Variants in GLS observed in about 807,000 individuals in gnomAD.
The protein encoded by GLS is glutaminase kidney isoform, mitochondrial.
GLS carries 36 observed loss-of-function variants against 86.7 expected under a neutral mutation model. The ratio of observed to expected loss-of-function variants is 0.42; its 90% CI spans 0.32 to 0.55. GLS has a LOEUF of 0.55. Ranked by LOEUF, GLS falls within the 20% of genes least tolerant of loss-of-function variation. The probability of loss-of-function intolerance (pLI) is 0.17; values close to 1 mark genes in which losing one functional copy is unlikely to be tolerated. For missense variants in GLS, 528 were observed against 833.4 expected (o/e 0.63, Z 4.51); for synonymous variants, 317 against 305.9 (o/e 1.04, Z -0.38).
intron 9 of GLS, among the ~76,000 whole-genome samples, chr2:190,923,623 A>T (rs965826668): frequency 2.0e-5 from 3 of 152,232 alleles, no homozygotes; most frequent in African/African-American, 4.8e-5. Context: ...TTAATGGTAG[A>T]AGATTTGAGA....
intron 14 of GLS, among the ~76,000 whole-genome samples, chr2:190,939,891 A>G (rs573938730): frequency 1.3e-5 from 2 of 151,880 alleles, no homozygotes; most frequent in South Asian, 4.1e-4. Flanking sequence ...AACTCAGAAT[A>G]TATTATCTAA....
chr2:190,948,644 G>T (rs1431542840), intron 14 of GLS, among the ~76,000 whole-genome samples: 2 of 152,150 alleles, frequency 1.3e-5, no homozygotes, highest in Non-Finnish European at 2.9e-5. Context: ...TATATTAATG[G>T]TATATACAGG....
chr2:190,934,957 C>T (rs960830714), intron 14 of GLS: 7 of 969,582 alleles, frequency 7.2e-6, no homozygotes, highest in Non-Finnish European at 8.6e-6. Flanking sequence ...TTTCAGTATT[C>T]TTAACACCTT....
At chr2:190,901,135 A>G (rs1326059775) in intron 4 of GLS, among the ~76,000 whole-genome samples, 1 of 152,090 alleles carries the variant, frequency 6.6e-6, no homozygotes, top group Admixed American at 6.6e-5. Context: ...CCCTTGAACA[A>G]AGCAGGGGTT....
Position 190,881,196 on chromosome 2 carries a change from CCCCGAGGCGGGGGACGGCCGGCCGCGGG to C in GLS, c.117_144del (p.Gly40LeufsTer83). 2 of 1,297,790 alleles carry C rather than the reference CCCCGAGGCGGGGGACGGCCGGCCGCGGG, an allele frequency of 1.5e-6. No individual in the cohort carries two copies. Among genetic ancestry groups the C allele is most frequent in the Non-Finnish European group, 1.9e-6 (2 of 1,026,614 alleles). 80.4% of individuals were successfully genotyped at this position (1,297,790 alleles called of 1,614,324 possible). ...GCCCTTGGTCACCCTGTGCCGGCGT[CCCCGAGGCGGGGGACGGCCGGCCGCGGG>C]CCCGGCTGCCGCCGCGCGACTCCAC... On this transcript the variant is annotated frameshift_variant, in exon 1 of 18. Transcript: ENST00000320717. LOFTEE classifies it high-confidence loss of function.
intron 7 of GLS, among the ~76,000 whole-genome samples, chr2:190,916,705 C>T (rs940346793): frequency 1.6e-4 from 24 of 152,002 alleles, no homozygotes; most frequent in Non-Finnish European, 8.8e-5. Context: ...TGCAATTATT[C>T]AATACAGGCA....
chr2:190,895,311 T>A lies in GLS; in HGVS notation c.483+63T>A, dbSNP rs1311821934. The A allele has an allele frequency of 3.0e-6, 2 of 673,924 alleles. No individual in the cohort carries two copies. The highest frequency in any genetic ancestry group is 3.6e-5 in the African/African-American group (2 of 55,226). The allele number at this position is 673,924 out of a possible 1,614,324, so 41.7% of individuals were successfully genotyped here. A position where few individuals can be genotyped will look rare whatever the true frequency, so the allele number is the denominator to read the frequency against. On this transcript the variant is annotated intron_variant, in intron 2 of 17. Coordinates refer to ENST00000320717, the MANE Select transcript of GLS (RefSeq NM_014905.5). This position sits in a 1 kb window ranked among gnomAD's most constrained non-coding sequence, Gnocchi z 4.2. Reference sequence around the variant, plus strand: ...TCAATAATAATAAATATATACAGTATTATTGAAATATAGTCTTAAAGGTCG... The same window carrying A: ...TCAATAATAATAAATATATACAGTAATATTGAAATATAGTCTTAAAGGTCG...
At chr2:190,904,414 A>C (rs1007178035) in intron 5 of GLS, among the ~76,000 whole-genome samples, 1 of 152,152 alleles carries the variant, frequency 6.6e-6, no homozygotes. Context: ...TCCACATTAC[A>C]TATTTATTAT....
chr2:190,945,938 ATT>A (rs1170212761), intron 14 of GLS, among the ~76,000 whole-genome samples: 3 of 152,084 alleles, frequency 2.0e-5, no homozygotes, highest in Non-Finnish European at 4.4e-5. Context: ...CCTATAAAAG[ATT>A]TTTTCCCCAA....
intron 14 of GLS, among the ~76,000 whole-genome samples, chr2:190,948,557 T>A (rs932170): frequency 0.12 from 17,547 of 152,216 alleles, 1,385 homozygotes; most frequent in Admixed American, 0.27. Flanking sequence ...AGTTCTTATA[T>A]CCAGTCACTG....
chr2:190,940,400 AC>A (rs1690391462), intron 14 of GLS, among the ~76,000 whole-genome samples: 1 of 152,040 alleles, frequency 6.6e-6, no homozygotes, highest in Non-Finnish European at 1.5e-5. Context: ...TTTTAATCAT[AC>A]CAATAAAATA....
At position 190,963,299 on chromosome 2, in the gene GLS, T is replaced by C. The variant is rs1691045838; in HGVS notation, c.*313T>C. The C allele has an allele frequency of 9.2e-6, 2 of 218,370 alleles. No homozygotes were observed. Among genetic ancestry groups the C allele is most frequent in the Non-Finnish European group, 1.8e-5 (2 of 108,992 alleles). The allele number at this position is 218,370 out of a possible 1,614,324, so 13.5% of individuals were successfully genotyped here. A position where few individuals can be genotyped will look rare whatever the true frequency, so the allele number is the denominator to read the frequency against. On this transcript the variant is annotated 3_prime_UTR_variant, in exon 18 of 18. Coordinates refer to ENST00000320717, the MANE Select transcript of GLS (RefSeq NM_014905.5). ...TTGTGTTTTGTGAATTTTCAATTTA[T>C]GGTGATGATCTGCTGATATGCATTT... is the stretch of plus-strand genomic sequence containing the variant.
intron 14 of GLS, among the ~76,000 whole-genome samples, chr2:190,937,487 A>G (rs1259554219): frequency 2.6e-5 from 4 of 151,398 alleles, no homozygotes; most frequent in Non-Finnish European, 5.9e-5. Flanking sequence ...TTTAAATAGT[A>G]ATAGAAAAGG....
At chr2:190,915,157 ATT>A (rs79204505) in intron 7 of GLS, among the ~76,000 whole-genome samples, 14 of 138,922 alleles carry the variant, frequency 1.0e-4, no homozygotes, top group Non-Finnish European at 1.3e-4. Context: ...TGCCTGGCTA[ATT>A]TTTTTTTTTT....
intron 6 of GLS, among the ~76,000 whole-genome samples, chr2:190,906,968 C>T (rs1160518034): frequency 1.4e-5 from 2 of 145,412 alleles, no homozygotes; most frequent in African/African-American, 2.5e-5. Flanking sequence ...CTGGCTCTGT[C>T]CCCCAGGCTG....
intron 1 of GLS, among the ~76,000 whole-genome samples, chr2:190,885,260 C>T (rs1157398789): frequency 6.6e-6 from 1 of 151,394 alleles, no homozygotes; most frequent in Non-Finnish European, 1.5e-5. Context: ...GGTGTGATCT[C>T]GGTTCACTGC....
In GLS at chr2:190,954,981, C is replaced by T. The variant is rs546100723; in HGVS notation, c.1853+163C>T. On this transcript the variant is annotated intron_variant, in intron 17 of 17. Transcript: ENST00000320717. The surrounding 1 kb of genome is among the most constrained non-coding windows in gnomAD (Gnocchi z 4.0). ...TTCTACTAGATAGGTAATTCTGTCT[C>T]CCATATCCTGTTTCTTATCTAAGAA... Among the ~76,000 whole-genome samples, 1 of 152,194 alleles carries T rather than the reference C, an allele frequency of 6.6e-6. No individual in the cohort carries two copies. Among genetic ancestry groups the T allele is most frequent in the East Asian group, 1.9e-4 (1 of 5,182 alleles).
At chr2:190,960,928 C>T (rs927024692) in intron 17 of GLS, among the ~76,000 whole-genome samples, 4 of 152,180 alleles carry the variant, frequency 2.6e-5, no homozygotes, top group African/African-American at 9.7e-5. Context: ...ATACCCACCC[C>T]AGGTTTCTAA....
rs1241355604 is a variant in GLS, at chr2:190,894,683, T to TA, written c.387-468dup. 5.9e-5 allele frequency among the ~76,000 whole-genome samples: 9 copies of TA among 152,230 alleles called. No individual in the cohort carries two copies. In the East Asian group the frequency reaches 1.7e-3, roughly 29 times the overall value. On this transcript the variant is annotated intron_variant, in intron 1 of 17. Coordinates refer to ENST00000320717, the MANE Select transcript of GLS (RefSeq NM_014905.5). Reference sequence around the variant, plus strand: ...TGTGCACTTGATCTTAACTACTGTGTAGTAGTTAATTGCTATCTCTCCCAG... The same window carrying TA: ...TGTGCACTTGATCTTAACTACTGTGTAAGTAGTTAATTGCTATCTCTCCCAG...
Sources: gnomAD v4.1 joint callset for allele counts (sites outside exome capture counted in the v4.1 genomes callset) on GRCh38, gnomAD v4.1.1 for gene constraint, Gnocchi (gnomAD v3.1) non-coding constraint, MANE v1.5 for transcripts, NCBI Gene and HGNC (gene_info 2026-07-23, HGNC 2026-07-21) for gene names.